Variants in PCDH9 observed in about 807,000 individuals in gnomAD.
PCDH9 encodes protocadherin-9.
Under a neutral mutation model 70.6 loss-of-function variants are expected in PCDH9, and 24 were observed. The ratio of observed to expected loss-of-function variants is 0.34; its 90% CI spans 0.25 to 0.48. The LOEUF is 0.48. Among genes scored for constraint, PCDH9 ranks in the 20% least tolerant of loss-of-function variants. PCDH9 has a pLI of 0.99. For missense variants in PCDH9, 1,281 were observed against 1,503.6 expected (o/e 0.85, Z 2.45); for synonymous variants, 562 against 558.5 (o/e 1.01, Z -0.09).
chr13:66,771,812 A>G (rs1377619532), intron 3 of PCDH9, among the ~76,000 whole-genome samples: 1 of 152,226 alleles, frequency 6.6e-6, no homozygotes, highest in Non-Finnish European at 1.5e-5. Flanking sequence ...CCATGGAATT[A>G]TCATCAATAT....
chr13:67,103,229 T>C (rs2086468327), intron 2 of PCDH9, among the ~76,000 whole-genome samples: 1 of 152,064 alleles, frequency 6.6e-6, no homozygotes. Context: ...AAATCATGAA[T>C]AAAATATTAT....
intron 4 of PCDH9, among the ~76,000 whole-genome samples, chr13:66,497,158 C>T (rs2138548772): frequency 6.6e-6 from 1 of 152,102 alleles, no homozygotes; most frequent in Admixed American, 6.5e-5. Flanking sequence ...ACCTCCTCTC[C>T]CCCTGCTCAG....
chr13:66,423,921 A>C (rs7328850), intron 4 of PCDH9, among the ~76,000 whole-genome samples: 59,935 of 151,974 alleles, frequency 0.39, 12,489 homozygotes, highest in South Asian at 0.54. Flanking sequence ...GTATATTTAG[A>C]AAACCCCGTC....
chr13:66,695,115 G>C (rs2139092857), intron 3 of PCDH9, among the ~76,000 whole-genome samples: 1 of 152,194 alleles, frequency 6.6e-6, no homozygotes, highest in Admixed American at 6.5e-5. Context: ...GTGTTAGCCA[G>C]GATGGTCTCG....
intron 2 of PCDH9, among the ~76,000 whole-genome samples, chr13:67,161,152 T>C (rs2087948180): frequency 6.6e-6 from 1 of 152,238 alleles, no homozygotes; most frequent in Non-Finnish European, 1.5e-5. Context: ...CCCTTCCTGA[T>C]TGCAGAATGA....
intron 3 of PCDH9, among the ~76,000 whole-genome samples, chr13:66,711,393 A>C (rs1190483791): frequency 5.5e-5 from 3 of 54,070 alleles, no homozygotes; most frequent in Non-Finnish European, 8.3e-5. Flanking sequence ...AGAAAATTGC[A>C]AAAAAAAAAA....
At chr13:67,141,433 CTTTAT>C (rs1349198471) in intron 2 of PCDH9, among the ~76,000 whole-genome samples, 1 of 151,560 alleles carries the variant, frequency 6.6e-6, no homozygotes, top group Non-Finnish European at 1.5e-5. Context: ...CTCTCTCTCT[CTTTAT>C]TTTATTATTA....
chr13:66,953,038 C>A (rs117216580), intron 2 of PCDH9, among the ~76,000 whole-genome samples: 4 of 151,282 alleles, frequency 2.6e-5, no homozygotes, highest in African/African-American at 9.7e-5. Flanking sequence ...GTATTATTAC[C>A]TAATGTAATT....
At chr13:66,782,379 T>C (rs557818231) in intron 3 of PCDH9, among the ~76,000 whole-genome samples, 9 of 152,250 alleles carry the variant, frequency 5.9e-5, no homozygotes, top group Middle Eastern at 3.4e-3. Context: ...GGCAGATTGA[T>C]TGATTTTTTT....
chr13:66,799,189 T>C (rs1006989660), intron 3 of PCDH9, among the ~76,000 whole-genome samples: 1 of 152,158 alleles, frequency 6.6e-6, no homozygotes, highest in Non-Finnish European at 1.5e-5. Context: ...AACTCCCTTG[T>C]TCTCTAGAAG....
chr13:66,963,069 C>T (rs1228058895), intron 2 of PCDH9, among the ~76,000 whole-genome samples: 2 of 152,080 alleles, frequency 1.3e-5, no homozygotes, highest in Non-Finnish European at 2.9e-5. Flanking sequence ...CCCTCGCATG[C>T]TCAGTTCACA....
chr13:66,792,544 C>T (rs2080179286), intron 3 of PCDH9, among the ~76,000 whole-genome samples: 1 of 152,124 alleles, frequency 6.6e-6, no homozygotes, highest in Non-Finnish European at 1.5e-5. Context: ...TGGCGCATGC[C>T]TGTAATCCCA....
chr13:66,395,624 A>T (rs938369838), intron 4 of PCDH9, among the ~76,000 whole-genome samples: 4 of 146,180 alleles, frequency 2.7e-5, no homozygotes, highest in South Asian at 2.2e-4. Flanking sequence ...ATAAATAAAT[A>T]AAATAAAATA....
chr13:66,992,666 T>A (rs553070373), intron 2 of PCDH9, among the ~76,000 whole-genome samples: 1 of 152,180 alleles, frequency 6.6e-6, no homozygotes, highest in Non-Finnish European at 1.5e-5. Context: ...ATTGATTACT[T>A]ATTTCAGGCA....
intron 4 of PCDH9, among the ~76,000 whole-genome samples, chr13:66,595,064 C>G (rs2077086185): frequency 6.6e-6 from 1 of 151,192 alleles, no homozygotes; most frequent in Non-Finnish European, 1.5e-5. Context: ...CACACACACA[C>G]AAACACACAC....
chr13:66,410,313 G>A (rs1327929701), intron 4 of PCDH9, among the ~76,000 whole-genome samples: 1 of 151,952 alleles, frequency 6.6e-6, no homozygotes, highest in Non-Finnish European at 1.5e-5. Context: ...GTTTTACAGT[G>A]ATCAAACCTA....
At chr13:66,342,533 T>A (rs1956145912) in intron 4 of PCDH9, among the ~76,000 whole-genome samples, 1 of 152,180 alleles carries the variant, frequency 6.6e-6, no homozygotes, top group Non-Finnish European at 1.5e-5. Flanking sequence ...CAGAGAAAGT[T>A]TATGAAACTT....
chr13:66,792,139 A>G (rs772294296), intron 3 of PCDH9, among the ~76,000 whole-genome samples: 1 of 152,210 alleles, frequency 6.6e-6, no homozygotes. Flanking sequence ...TCAGTAAATG[A>G]AAACATTTTT....
At chr13:66,663,880 G>A (rs939298562) in intron 3 of PCDH9, among the ~76,000 whole-genome samples, 1 of 152,138 alleles carries the variant, frequency 6.6e-6, no homozygotes, top group African/African-American at 2.4e-5. Context: ...ACAAGGCCAG[G>A]CTCTCATCTT....
Sources: allele counts gnomAD v4.1 joint callset (sites outside exome capture counted in the v4.1 genomes callset), GRCh38; gene constraint gnomAD v4.1.1; transcripts MANE v1.5; gene names NCBI Gene and HGNC (gene_info 2026-07-23, HGNC 2026-07-21).